CIMAP3: variants seen among roughly 807,000 people sequenced by gnomAD.
The protein encoded by CIMAP3 is ciliary microtubule-associated protein 3.
the CIMAP3 span, among the ~76,000 whole-genome samples, chr1:111,343,299 C>T: frequency 6.6e-6 from 1 of 152,126 alleles, no homozygotes; most frequent in African/African-American, 2.4e-5. Context: ...TCTACTTATC[C>T]TCATTAAATT....
the CIMAP3 span, among the ~76,000 whole-genome samples, chr1:111,326,715 A>C: frequency 6.6e-6 from 1 of 152,282 alleles, no homozygotes; most frequent in African/African-American, 2.4e-5. Flanking sequence ...CCAACAATAT[A>C]TAAGAGTTCC....
chr1:111,336,591 G>GT, the CIMAP3 span, among the ~76,000 whole-genome samples: 2 of 152,132 alleles, frequency 1.3e-5, no homozygotes, highest in South Asian at 4.1e-4. Flanking sequence ...TAGAAGAAAG[G>GT]GTATCAGCAA....
chr1:111,340,799 C>T, the CIMAP3 span, among the ~76,000 whole-genome samples: 7 of 151,974 alleles, frequency 4.6e-5, no homozygotes, highest in African/African-American at 9.7e-5. Context: ...GTCAGTGTGG[C>T]GATCCCTCAG....
chr1:111,327,776 T>C, the CIMAP3 span, among the ~76,000 whole-genome samples: 82 of 152,004 alleles, frequency 5.4e-4, no homozygotes, highest in African/African-American at 1.9e-3. Context: ...GCTAGTGGCC[T>C]ATTTTATTAT....
the CIMAP3 span, among the ~76,000 whole-genome samples, chr1:111,339,770 G>A: frequency 2.0e-5 from 3 of 151,740 alleles, no homozygotes; most frequent in Non-Finnish European, 2.9e-5. Context: ...CGTGAAAATG[G>A]CCATACTGCC....
chr1:111,350,747 T>A, the CIMAP3 span, among the ~76,000 whole-genome samples: 2 of 152,224 alleles, frequency 1.3e-5, no homozygotes, highest in Admixed American at 1.3e-4. Context: ...CTCAGTTTTT[T>A]AATCTGTAAA....
At chr1:111,337,018 C>G in the CIMAP3 span, among the ~76,000 whole-genome samples, 1 of 152,106 alleles carries the variant, frequency 6.6e-6, no homozygotes, top group Non-Finnish European at 1.5e-5. Flanking sequence ...ACTCTACAAG[C>G]CAGCAGAGAG....
At chr1:111,339,118 A>C in the CIMAP3 span, among the ~76,000 whole-genome samples, 1 of 151,946 alleles carries the variant, frequency 6.6e-6, no homozygotes, top group Admixed American at 6.5e-5. Flanking sequence ...TGATTATCTC[A>C]ATAGATGCAG....
At chr1:111,329,954 G>T in the CIMAP3 span, among the ~76,000 whole-genome samples, 3 of 152,030 alleles carry the variant, frequency 2.0e-5, no homozygotes, top group Non-Finnish European at 4.4e-5. Flanking sequence ...CAAATTCTGA[G>T]ATTCTTTCCT....
At chr1:111,348,810 G>A in the CIMAP3 span, 4 of 693,876 alleles carry the variant, frequency 5.8e-6, no homozygotes, top group Admixed American at 9.0e-5. Flanking sequence ...TTCTGGCATT[G>A]TAGAATGTAG....
the CIMAP3 span, chr1:111,324,859 A>G: frequency 1.0e-6 from 1 of 985,338 alleles, no homozygotes; most frequent in African/African-American, 1.7e-5. Context: ...ATCATGGATC[A>G]GACAGCCATA....
chr1:111,346,507 A>C, the CIMAP3 span: 3 of 1,263,544 alleles, frequency 2.4e-6, no homozygotes, highest in Admixed American at 2.2e-5. Context: ...TTCCTGCCCC[A>C]GTAGTGGCTC....
chr1:111,332,167 G>A, the CIMAP3 span, among the ~76,000 whole-genome samples: 3 of 152,188 alleles, frequency 2.0e-5, no homozygotes, highest in African/African-American at 7.2e-5. Flanking sequence ...TAGTAGAATG[G>A]GCATGTGGTT....
At chr1:111,339,237 C>A in the CIMAP3 span, among the ~76,000 whole-genome samples, 3 of 151,608 alleles carry the variant, frequency 2.0e-5, no homozygotes, top group African/African-American at 7.3e-5. Flanking sequence ...GACAAACCCA[C>A]AGCCAATGTC....
the CIMAP3 span, among the ~76,000 whole-genome samples, chr1:111,345,617 T>TA: frequency 6.6e-6 from 1 of 152,164 alleles, no homozygotes; most frequent in African/African-American, 2.4e-5. Context: ...CTTAGATCTA[T>TA]AAAAATCATC....
At chr1:111,351,425 G>C in the CIMAP3 span, 1 of 1,105,128 alleles carries the variant, frequency 9.0e-7, no homozygotes, top group Non-Finnish European at 1.3e-6. Flanking sequence ...TGGCCCTCTT[G>C]TCTGGCAGCC....
At chr1:111,350,150 C>G in the CIMAP3 span, 104 of 1,614,060 alleles carry the variant, frequency 6.4e-5, no homozygotes, top group South Asian at 1.0e-3. Flanking sequence ...CCAAAAATTG[C>G]CTGGCCAATG....
At chr1:111,329,880 G>C in the CIMAP3 span, among the ~76,000 whole-genome samples, 1 of 151,926 alleles carries the variant, frequency 6.6e-6, no homozygotes, top group African/African-American at 2.4e-5. Context: ...CAGAAGTTTT[G>C]TTCATTCCTT....
chr1:111,341,349 A>T, the CIMAP3 span, among the ~76,000 whole-genome samples: 4 of 151,902 alleles, frequency 2.6e-5, no homozygotes, highest in Admixed American at 6.5e-5. Flanking sequence ...CCTAAAACTT[A>T]AAGTATAATA....
Sources: gnomAD v4.1 joint callset for allele counts (sites outside exome capture counted in the v4.1 genomes callset) on GRCh38, gnomAD v4.1.1 for gene constraint, MANE v1.5 for transcripts, NCBI Gene and HGNC (gene_info 2026-07-23, HGNC 2026-07-21) for gene names.